The following LRCH3 variants were observed in gnomAD, a reference collection of about 807,000 sequenced individuals.
LRCH3 encodes DISP complex protein LRCH3.
A neutral mutation model predicts 104.5 loss-of-function variants in LRCH3; 68 were observed. The ratio of observed to expected loss-of-function variants is 0.65; its 90% confidence interval spans 0.54 to 0.80. LRCH3 has a LOEUF of 0.80. Ranked by LOEUF, LRCH3 falls within the 30% of genes least tolerant of loss-of-function variation. LRCH3 has a pLI of 0.00. For missense variants in LRCH3, 951 were observed against 953.9 expected, an observed-to-expected ratio of 1.00 and a Z score of 0.04; for synonymous variants, 344 against 361.3, an observed-to-expected ratio of 0.95 and a Z score of 0.54.
At position 197,883,602 on chromosome 3, in the gene LRCH3, C is replaced by T. The variant is rs761332732; in HGVS notation, c.2270C>T (p.Thr757Met). The T allele has an allele frequency of 3.4e-5, 52 of 1,536,028 alleles. No homozygotes were observed. Among genetic ancestry groups the T allele is most frequent in the African/African-American group, 1.2e-4 (9 of 73,144 alleles). ...EEKGLSQVAV[T>M]VQALLELAPP... ...AAAGGTTTGAGCCAGGTTGCAGTGA[C>T]GGTCCAGGCTCTCCTGGAACTTGCC... The change falls in exon 21 of 21, where the codon ACG becomes ATG. Residue 757 changes from threonine (T) to methionine (M), a missense_variant. Physicochemically the swap from Thr to Met is moderately conservative, Grantham distance 81 (BLOSUM62 -1). Coordinates refer to ENST00000425562, the MANE Select transcript of LRCH3 (RefSeq NM_001365715.1). This position sits in a 1 kb window ranked among gnomAD's most constrained non-coding sequence, Gnocchi z 4.2.
chr3:197,792,575 TTTTATA>T (rs1443695042), intron 1 of LRCH3, among the ~76,000 whole-genome samples: 1,118 of 18,586 alleles, frequency 0.06, 67 homozygotes, highest in African/African-American at 0.12. Flanking sequence ...GCCCAGCTAA[TTTTATA>T]TATATATATA....
At chr3:197,843,398 A>G (rs1738116139) in intron 10 of LRCH3, among the ~76,000 whole-genome samples, 1 of 152,158 alleles carries the variant, frequency 6.6e-6, no homozygotes, top group Non-Finnish European at 1.5e-5. Context: ...TAATCCCAGC[A>G]CTATACTGGC....
chr3:197,884,526 T>G lies in LRCH3; in HGVS notation c.*860T>G, dbSNP rs570220282. ...TCCGAGAGTGCTGGGATTACAGGCG[T>G]GAGCCACTGTGCCCGGCCTCTGAGG... On this transcript the variant is annotated 3_prime_UTR_variant, in exon 21 of 21. Transcript: ENST00000425562. 1.3e-5 allele frequency: 2 copies of G among 152,934 alleles called. No individual in the cohort carries two copies. The highest frequency in any genetic ancestry group is 3.9e-4 in the East Asian group (2 of 5,156). 9.5% of individuals were successfully genotyped at this position (152,934 alleles called of 1,614,324 possible).
chr3:197,832,330 C>A lies in LRCH3; in HGVS notation c.1102+13C>A. On this transcript the variant is annotated intron_variant, in intron 8 of 20. Coordinates refer to ENST00000425562, the MANE Select transcript of LRCH3 (RefSeq NM_001365715.1). The stretch of plus-strand genomic sequence containing the variant: ...ACAAACGGCGGAGGTAAACATAATT[C>A]CGGTGACAGCTAAAGTGTTTGCAAC... The A allele has an allele frequency of 6.2e-7, 1 of 1,611,948 alleles. No individual in the cohort carries two copies. The highest frequency in any genetic ancestry group is 8.5e-7 in the Non-Finnish European group (1 of 1,178,710).
chr3:197,837,139 T>G (rs896510407), intron 9 of LRCH3, among the ~76,000 whole-genome samples: 4 of 152,114 alleles, frequency 2.6e-5, no homozygotes, highest in Non-Finnish European at 5.9e-5. Context: ...GTGTACTAGG[T>G]GACTGATGAA....
chr3:197,825,359 T>TG (rs1735031102), intron 4 of LRCH3, among the ~76,000 whole-genome samples: 5 of 128,670 alleles, frequency 3.9e-5, no homozygotes, highest in Non-Finnish European at 6.9e-5. Flanking sequence ...TTGTTTTATA[T>TG]CTTTTTTTTT....
At chr3:197,839,047 C>A (rs1737378996) in intron 9 of LRCH3, among the ~76,000 whole-genome samples, 1 of 152,152 alleles carries the variant, frequency 6.6e-6, no homozygotes, top group East Asian at 1.9e-4. Flanking sequence ...GTAAATATTA[C>A]TGTGCTTGGT....
intron 1 of LRCH3, among the ~76,000 whole-genome samples, chr3:197,798,032 C>T (rs1580527929): frequency 6.6e-6 from 1 of 152,012 alleles, no homozygotes; most frequent in Non-Finnish European, 1.5e-5. Flanking sequence ...GAGGCTGAGG[C>T]GAGTGGATCA....
chr3:197,871,437 G>C lies in LRCH3; in HGVS notation c.2105G>C (p.Ser702Thr). Residue 702 changes from serine (S) to threonine (T), a missense_variant, in exon 19 of 21, where the codon AGC becomes ACC. Physicochemically the swap from Ser to Thr is moderately conservative, Grantham distance 58. Coordinates refer to ENST00000425562, the MANE Select transcript of LRCH3 (RefSeq NM_001365715.1). ...CATGTGCGACCTCGATCTGTCCCAA[G>C]CATTCATGTTCCCTCACCAGCTGTA... ...ANHVRPRSVP[S>T]IHVPSPAVPK... is the part of the protein sequence containing the mutation. The C allele has an allele frequency of 6.2e-7, 1 of 1,613,868 alleles. No homozygotes were observed. The highest frequency in any genetic ancestry group is 1.3e-5 in the African/African-American group (1 of 74,972).
In LRCH3 at chr3:197,810,902, G is replaced by A. The variant is rs1156315254; in HGVS notation, c.263-4006G>A. Among the ~76,000 whole-genome samples, 1 of 152,018 alleles carries A rather than the reference G, an allele frequency of 6.6e-6. No individual in the cohort carries two copies. Among genetic ancestry groups the A allele is most frequent in the Non-Finnish European group, 1.5e-5 (1 of 67,982 alleles). ...AAAAAATAAGACTTTTGAATGAAAA[G>A]CATTAGAAAAACTATGTTTTGTGAT... On this transcript the variant is annotated intron_variant, in intron 1 of 20. Transcript: ENST00000425562. The surrounding 1 kb of genome is among the most constrained non-coding windows in gnomAD (Gnocchi z 4.0).
At chr3:197,812,295 A>C (rs895861367) in intron 1 of LRCH3, among the ~76,000 whole-genome samples, 1 of 152,094 alleles carries the variant, frequency 6.6e-6, no homozygotes, top group South Asian at 2.1e-4. Flanking sequence ...TTCACTCCAT[A>C]ATGTTTGCAA....
At chr3:197,855,072 T>C (rs1580823368) in intron 14 of LRCH3, among the ~76,000 whole-genome samples, 1 of 152,126 alleles carries the variant, frequency 6.6e-6, no homozygotes, top group Admixed American at 6.6e-5. Flanking sequence ...TAACCATTTC[T>C]AGAATTTCTT....
rs1198731122 is a variant in LRCH3 at position 197,847,881 on chromosome 3, A to G, written c.1390A>G (p.Thr464Ala). ...LSASHNQLSH[T>A]DLELHQRREQ... is the part of the protein sequence containing the mutation. ...AACGCTTTGGTTCCAGCTGTCACAC[A>G]CAGACCTGGAACTTCATCAGAGAAG... Residue 464 changes from threonine to alanine, a missense_variant, in exon 12 of 21, where the codon ACA becomes GCA. Transcript: ENST00000425562. The G allele has an allele frequency of 1.2e-6, 2 of 1,613,886 alleles. No homozygotes were observed. Among genetic ancestry groups the G allele is most frequent in the Non-Finnish European group, 1.7e-6 (2 of 1,179,986 alleles).
At chr3:197,801,049 C>T (rs1580540869) in intron 1 of LRCH3, among the ~76,000 whole-genome samples, 1 of 150,096 alleles carries the variant, frequency 6.7e-6, no homozygotes, top group South Asian at 2.1e-4. Flanking sequence ...GAGCTGAGAT[C>T]ACACCACAGC....
rs1580925939 is a variant in LRCH3 at position 197,880,385 on chromosome 3, A to G, written c.2209-3156A>G. The G allele has an allele frequency of 1.2e-5, 9 of 735,850 alleles. No individual in the cohort carries two copies. In the East Asian group the frequency reaches 2.4e-4, roughly 20 times the overall value. 45.6% of individuals were successfully genotyped at this position (735,850 alleles called of 1,614,324 possible). The stretch of plus-strand genomic sequence containing the variant: ...CGTTTTATTTTTGTTCCTCAATGTA[A>G]AAATGTTACAGGATGTGTATATGTG... On this transcript the variant is annotated intron_variant, in intron 20 of 20. Transcript: ENST00000425562.
At chr3:197,819,725 GAA>G (rs900159323) in intron 3 of LRCH3, among the ~76,000 whole-genome samples, 1 of 144,912 alleles carries the variant, frequency 6.9e-6, no homozygotes, top group South Asian at 2.2e-4. Context: ...TCAAAAAAAA[GAA>G]AAAAAAAAGT....
chr3:197,860,648 T>C (rs2109461800), intron 15 of LRCH3, among the ~76,000 whole-genome samples: 1 of 152,204 alleles, frequency 6.6e-6, no homozygotes, highest in Middle Eastern at 3.4e-3. Flanking sequence ...AGTGTGTATA[T>C]GGGGTTCATG....
chr3:197,843,991 TA>T (rs1738217200), intron 10 of LRCH3, among the ~76,000 whole-genome samples: 1 of 152,124 alleles, frequency 6.6e-6, no homozygotes, highest in Non-Finnish European at 1.5e-5. Flanking sequence ...TAAAGCAGGA[TA>T]AAAGAGATGG....
chr3:197,882,117 T>C (rs1373870309), intron 20 of LRCH3: 1 of 985,318 alleles, frequency 1.0e-6, no homozygotes, highest in African/African-American at 1.7e-5. Context: ...GTACATTCTC[T>C]TGAGAACACA....
Sources: gnomAD v4.1 joint callset for allele counts (sites outside exome capture counted in the v4.1 genomes callset) on GRCh38, gnomAD v4.1.1 for gene constraint, Gnocchi (gnomAD v3.1) non-coding constraint, MANE v1.5 for transcripts, NCBI Gene and HGNC (gene_info 2026-07-23, HGNC 2026-07-21) for gene names.